The following RBM28 variants were observed in gnomAD, a reference collection of about 807,000 sequenced individuals.
RBM28 encodes RNA binding motif protein 28, also known as RNA-binding protein 28.
Under a neutral mutation model 98.3 loss-of-function variants are expected in RBM28, and 78 were observed. That is an observed-to-expected ratio of 0.79 (90% CI 0.66 to 0.96). RBM28 has a LOEUF of 0.96. Ranked by LOEUF, RBM28 falls within the 40% of genes least tolerant of loss-of-function variation. The pLI, the probability that RBM28 is intolerant of heterozygous loss-of-function variation, is 0.00. For synonymous variants in RBM28, 306 were observed against 330.9 expected (o/e 0.92, Z 0.82); for missense variants, 838 against 913.0 (o/e 0.92, Z 1.06).
chr7:128,311,445 G>T (rs1449519762), intron 18 of RBM28, among the ~76,000 whole-genome samples: 2 of 152,180 alleles, frequency 1.3e-5, no homozygotes. Context: ...AAGTGTTCAA[G>T]AATGTAGGAC....
intron 13 of RBM28, 144 bp downstream of exon 13, chr7:128,323,383 T>C (rs908529397): frequency 2.2e-6 from 2 of 896,352 alleles, no homozygotes; most frequent in Admixed American, 1.7e-5. Flanking sequence ...CTATTTCACC[T>C]ATGTGCTTTT....
rs535443818 is a variant in RBM28 at position 128,323,588 on chromosome 7, A to G, written c.1343T>C (p.Ile448Thr). Residue 448 changes from isoleucine (I) to threonine (T), a missense_variant, in exon 13 of 19, where the codon ATT (isoleucine) becomes ACT (threonine). Ile to Thr is a moderately conservative substitution (Grantham distance 89, BLOSUM62 -1). Transcript: ENST00000223073. Reference protein sequence around the residue: ...RNLYLAREGLIRAGTKAAEGV... With the variant: ...RNLYLAREGLTRAGTKAAEGV... The stretch of plus-strand genomic sequence containing the variant: ...CTCTGCAGCCTTCGTCCCAGCACGA[A>G]TCACTGCAGAAAGAGGGAAAAAGGC... 11 of 1,614,242 alleles carry G rather than the reference A, an allele frequency of 6.8e-6. No individual in the cohort carries two copies. The South Asian group carries it at 1.2e-4, about 18-fold the overall frequency.
intron 4 of RBM28, 53 bp downstream of exon 4, chr7:128,338,673 A>G: frequency 7.9e-7 from 1 of 1,273,028 alleles, no homozygotes; most frequent in South Asian, 1.2e-5. Flanking sequence ...ATGTTTGTTC[A>G]AGGGTAATAT....
chr7:128,309,632 CAAAAAAAAAA>C lies in RBM28; in HGVS notation c.*1155_*1164del, dbSNP rs554627635. 1 of 71,194 alleles carries C rather than the reference CAAAAAAAAAA, an allele frequency of 1.4e-5. No homozygotes were observed. The highest frequency in any genetic ancestry group is 2.7e-5 in the Non-Finnish European group (1 of 37,642). 4.4% of individuals were successfully genotyped at this position (71,194 alleles called of 1,614,324 possible). The stretch of plus-strand genomic sequence containing the variant: ...TGGGCGACAGAGTGAGACTCCATCT[CAAAAAAAAAA>C]AAAAAAGAAGAAGAAACAGGGAAGC... On this transcript the variant is annotated 3_prime_UTR_variant, in exon 19 of 19. Transcript: ENST00000223073.
rs1419445922 is a variant in RBM28 at position 128,297,709 on chromosome 7, C to A, written c.*13088G>T. 5.3e-5 allele frequency: 8 copies of A among 151,796 alleles called. No homozygotes were observed. The highest frequency in any genetic ancestry group is 1.0e-4 in the Non-Finnish European group (7 of 67,960). 9.4% of individuals were successfully genotyped at this position (151,796 alleles called of 1,614,324 possible). ...GACACACACACACGTATGTTTATTGCGGCACTATTCACAATAGCAAAGACT... is the reference window on the plus strand; with the variant it reads ...GACACACACACACGTATGTTTATTGAGGCACTATTCACAATAGCAAAGACT... On this transcript the variant is annotated 3_prime_UTR_variant, in exon 19 of 19. Coordinates refer to ENST00000223073, the MANE Select transcript of RBM28 (RefSeq NM_018077.3).
Position 128,339,269 on chromosome 7 carries a change from T to C in RBM28, c.330A>G (p.Ala110=). ...GAATAATTAATCTGGCTTTCTTATC[T>C]GCCACTTTGGCTTTTTTAGCCTTCG... is the stretch of plus-strand genomic sequence containing the variant. ...KEPKAKKAKV[A]DKKARLIIRN... is the part of the protein sequence containing the mutation. Residue 110 remains alanine, a synonymous_variant, in exon 3 of 19, where the codon GCA becomes GCG. Coordinates refer to ENST00000223073, the MANE Select transcript of RBM28 (RefSeq NM_018077.3). 1 of 1,613,852 alleles carries C rather than the reference T, an allele frequency of 6.2e-7. No individual in the cohort carries two copies. The highest frequency in any genetic ancestry group is 8.5e-7 in the Non-Finnish European group (1 of 1,179,720).
chr7:128,314,117 C>T lies in RBM28; in HGVS notation c.2045+647G>A, dbSNP rs187610863. ...AGCTGGGACTACAGGCGCCCGCCAC[C>T]GCACCCAGCTAATTTTTTGTATTTT... On this transcript the variant is annotated intron_variant, in intron 17 of 18. Coordinates refer to ENST00000223073, the MANE Select transcript of RBM28 (RefSeq NM_018077.3). Among the ~76,000 whole-genome samples, 116 of 152,254 alleles carry T rather than the reference C, an allele frequency of 7.6e-4. 3 individuals are homozygous for T. The East Asian group carries it at 0.021, about 28-fold the overall frequency.
At chr7:128,324,187 TG>T (rs1476283365) in intron 12 of RBM28, among the ~76,000 whole-genome samples, 3 of 152,212 alleles carry the variant, frequency 2.0e-5, no homozygotes, top group Non-Finnish European at 4.4e-5. Context: ...AGGAAAGTAT[TG>T]GGTGCACATT....
At position 128,301,180 on chromosome 7, in the gene RBM28, A is replaced by G. The variant is rs1008366603; in HGVS notation, c.*9617T>C. ...CCTTTCCTGTGAATTCACTCAGGAC[A>G]CTGGGGACAAAAGACATCACAGACC... On this transcript the variant is annotated 3_prime_UTR_variant, in exon 19 of 19. Transcript: ENST00000223073. The G allele has an allele frequency of 6.6e-6, 1 of 152,262 alleles. No individual in the cohort carries two copies. The highest frequency in any genetic ancestry group is 2.4e-5 in the African/African-American group (1 of 41,468). The allele number at this position is 152,262 out of a possible 1,614,324, so 9.4% of individuals were successfully genotyped here. A position where few individuals can be genotyped will look rare whatever the true frequency, so the allele number is the denominator to read the frequency against.
chr7:128,324,064 C>T (rs1409375371), intron 12 of RBM28, among the ~76,000 whole-genome samples: 1 of 152,168 alleles, frequency 6.6e-6, no homozygotes, highest in African/African-American at 2.4e-5. Context: ...GGCTAAAGGA[C>T]ATTACTAGTA....
At position 128,310,071 on chromosome 7, in the gene RBM28, T is replaced by TA. The variant is rs1795948300; in HGVS notation, c.*725dup. On this transcript the variant is annotated 3_prime_UTR_variant, in exon 19 of 19. Transcript: ENST00000223073. The stretch of plus-strand genomic sequence containing the variant: ...TCAAGTGTCCTCATTAAGGAGGACT[T>TA]AGAGAGCTAGTGGATACGATGAAAA... 6.6e-6 allele frequency: 1 copy of TA among 152,512 alleles called. No individual in the cohort carries two copies. Among genetic ancestry groups the TA allele is most frequent in the South Asian group, 2.1e-4 (1 of 4,848 alleles). The allele number at this position is 152,512 out of a possible 1,614,324, so 9.4% of individuals were successfully genotyped here.
At chr7:128,330,782 C>T in intron 10 of RBM28, 37 bp downstream of exon 10, 1 of 1,484,850 alleles carries the variant, frequency 6.7e-7, no homozygotes, top group East Asian at 2.3e-5. Flanking sequence ...GCAGTGGTCT[C>T]AACCCTTTTA....
chr7:128,308,644 C>T lies in RBM28; in HGVS notation c.*2153G>A, dbSNP rs1277214773. 3 of 152,178 alleles carry T rather than the reference C, an allele frequency of 2.0e-5. No individual in the cohort carries two copies. The highest frequency in any genetic ancestry group is 1.9e-4 in the East Asian group (1 of 5,200). The allele number at this position is 152,178 out of a possible 1,614,324, so 9.4% of individuals were successfully genotyped here. A position where few individuals can be genotyped will look rare whatever the true frequency, so the allele number is the denominator to read the frequency against. ...GGCCTCTCCTTCATCCATTTCTAAA[C>T]CAAAGGCATTTCAGAGCATTCATGG... On this transcript the variant is annotated 3_prime_UTR_variant, in exon 19 of 19. Coordinates refer to ENST00000223073, the MANE Select transcript of RBM28 (RefSeq NM_018077.3).
chr7:128,323,221 G>C (rs1270691375), intron 13 of RBM28, among the ~76,000 whole-genome samples: 2 of 152,126 alleles, frequency 1.3e-5, no homozygotes, highest in Admixed American at 6.5e-5. Context: ...ATTACATGTA[G>C]CAATAGCCTC....
intron 12 of RBM28, 142 bp from the exon 13 acceptor site, chr7:128,323,733 G>T: frequency 1.2e-6 from 1 of 859,584 alleles, no homozygotes; most frequent in Non-Finnish European, 1.8e-6. Flanking sequence ...ATTTGGTTAG[G>T]TCCAGAAATA....
intron 17 of RBM28, among the ~76,000 whole-genome samples, chr7:128,314,461 C>T (rs555184425): frequency 6.6e-6 from 1 of 152,344 alleles, no homozygotes; most frequent in African/African-American, 2.4e-5. Context: ...CAAACAGAAA[C>T]TACAACTGAA....
At chr7:128,332,110 G>A (rs774079646) in intron 9 of RBM28, among the ~76,000 whole-genome samples, 4 of 151,938 alleles carry the variant, frequency 2.6e-5, no homozygotes, top group Non-Finnish European at 5.9e-5. Context: ...CAGATCCTCC[G>A]CAAATACAAA....
At chr7:128,332,429 C>G (rs1488697210) in intron 9 of RBM28, among the ~76,000 whole-genome samples, 1 of 152,014 alleles carries the variant, frequency 6.6e-6, no homozygotes, top group Non-Finnish European at 1.5e-5. Context: ...TCCCAGCTCA[C>G]TGCAACCTCC....
At chr7:128,322,046 C>CA (rs10633144) in intron 13 of RBM28, among the ~76,000 whole-genome samples, 115,876 of 143,846 alleles carry the variant, frequency 0.81, 46,489 homozygotes, top group East Asian at 0.94. Context: ...GAAATTCGGT[C>CA]AAAAAAAAAA....
Sources: allele counts gnomAD v4.1 joint callset (sites outside exome capture counted in the v4.1 genomes callset), GRCh38; gene constraint gnomAD v4.1.1; transcripts MANE v1.5; gene names NCBI Gene and HGNC (gene_info 2026-07-23, HGNC 2026-07-21).